The following L3MBTL4 variants were observed in gnomAD, a reference collection of about 807,000 sequenced individuals.
L3MBTL4 encodes the protein lethal(3)malignant brain tumor-like protein 4.
L3MBTL4 carries 70 observed loss-of-function variants against 84.5 expected under a neutral mutation model. That is an observed-to-expected ratio of 0.83 (90% CI 0.68 to 1.01). The LOEUF (loss-of-function observed/expected upper bound fraction) is 1.01. L3MBTL4 is among the 50% of genes least tolerant of loss of function. The pLI, the probability that L3MBTL4 is intolerant of heterozygous loss-of-function variation, is 0.00. For missense variants in L3MBTL4, 715 were observed against 754.8 expected, an observed-to-expected ratio of 0.95 and a Z score of 0.62; for synonymous variants, 274 against 259.8, an observed-to-expected ratio of 1.05 and a Z score of -0.52.
rs569390357 is a variant in L3MBTL4, at chr18:5,960,369, G to A, written c.1615-213C>T. 3.3e-5 allele frequency among the ~76,000 whole-genome samples: 5 copies of A among 152,314 alleles called. No individual in the cohort carries two copies. In the East Asian group the frequency reaches 7.7e-4, roughly 24 times the overall value. ...CCTCTTATTACCGGGCTGACCTGCA[G>A]AGGGTTATGGTTATAATGACGACAG... is the stretch of plus-strand genomic sequence containing the variant. On this transcript the variant is annotated intron_variant, in intron 17 of 18. Transcript: ENST00000317931.
chr18:6,192,173 T>C (rs984981291), intron 12 of L3MBTL4, among the ~76,000 whole-genome samples: 1 of 152,134 alleles, frequency 6.6e-6, no homozygotes, highest in African/African-American at 2.4e-5. Flanking sequence ...AGCAGAGGTA[T>C]AGACAGCTCT....
At chr18:6,144,666 A>G (rs1353721015) in intron 13 of L3MBTL4, among the ~76,000 whole-genome samples, 1 of 152,170 alleles carries the variant, frequency 6.6e-6, no homozygotes, top group Non-Finnish European at 1.5e-5. Context: ...ACACACCCTC[A>G]TTCCCAGCCT....
chr18:6,192,154 G>A (rs748424682), intron 12 of L3MBTL4, among the ~76,000 whole-genome samples: 5 of 152,198 alleles, frequency 3.3e-5, no homozygotes, highest in Non-Finnish European at 7.3e-5. Flanking sequence ...GCCACGTGAA[G>A]AAACTGTTAG....
intron 14 of L3MBTL4, among the ~76,000 whole-genome samples, chr18:6,114,211 TGAA>T (rs1416935093): frequency 2.0e-5 from 3 of 152,228 alleles, no homozygotes; most frequent in African/African-American, 7.2e-5. Context: ...TGAAGGAACT[TGAA>T]GGAGATAAGA....
rs77511518 is a variant in L3MBTL4, at chr18:6,199,364, C to T, written c.981+13785G>A. 3.3e-3 allele frequency among the ~76,000 whole-genome samples: 497 copies of T among 152,348 alleles called. 8 individuals carry two copies. The East Asian group carries it at 0.077, about 24-fold the overall frequency. On this transcript the variant is annotated intron_variant, in intron 12 of 18. Transcript: ENST00000317931. ...TCATTAAACTCAACTGAAATGAAGA[C>T]TCCAGGTCCTCAGCCTCACTAGCCA...
chr18:6,093,304 ACTATT>A, intron 15 of L3MBTL4, 46 bp downstream of exon 15: 2 of 1,366,716 alleles, frequency 1.5e-6, no homozygotes, highest in South Asian at 3.1e-5. Flanking sequence ...TTGTTCTTTT[ACTATT>A]CTACATGGTT....
chr18:6,208,116 A>AAAATAAAT (rs71163265), intron 12 of L3MBTL4, among the ~76,000 whole-genome samples: 2,642 of 144,478 alleles, frequency 0.018, 29 homozygotes, highest in Middle Eastern at 0.036. Context: ...CCCTGTCTAA[A>AAAATAAAT]AAATAAATAA....
chr18:6,165,764 T>C (rs918795652), intron 13 of L3MBTL4, among the ~76,000 whole-genome samples: 5 of 152,158 alleles, frequency 3.3e-5, no homozygotes, highest in African/African-American at 1.2e-4. Context: ...AGGAAGAAAC[T>C]GCATCAACTA....
At chr18:6,174,821 T>G (rs1599014589) in intron 12 of L3MBTL4, among the ~76,000 whole-genome samples, 1 of 149,788 alleles carries the variant, frequency 6.7e-6, no homozygotes, top group East Asian at 2.0e-4. Context: ...TGAGCCGAAA[T>G]TGCGGCACTG....
intron 12 of L3MBTL4, among the ~76,000 whole-genome samples, chr18:6,198,357 C>T (rs1231006340): frequency 1.3e-5 from 2 of 152,150 alleles, no homozygotes; most frequent in Admixed American, 6.5e-5. Context: ...AAAGAGAGAA[C>T]ACTACATCGA....
intron 13 of L3MBTL4, among the ~76,000 whole-genome samples, chr18:6,156,560 T>C (rs2043112779): frequency 6.6e-6 from 1 of 152,202 alleles, no homozygotes; most frequent in Non-Finnish European, 1.5e-5. Flanking sequence ...CATTGTCTTC[T>C]GAAAGGGTTA....
intron 10 of L3MBTL4, among the ~76,000 whole-genome samples, chr18:6,233,972 T>C (rs1211923466): frequency 2.0e-5 from 3 of 152,222 alleles, no homozygotes; most frequent in Non-Finnish European, 2.9e-5. Context: ...AACAGAGATA[T>C]AGACCAGTGG....
At chr18:6,394,602 T>G (rs1256321548) in intron 1 of L3MBTL4, among the ~76,000 whole-genome samples, 1 of 152,200 alleles carries the variant, frequency 6.6e-6, no homozygotes, top group East Asian at 1.9e-4. Flanking sequence ...TGCTTACTGA[T>G]GTACACAAAC....
rs914060037 is a variant in L3MBTL4 at position 6,160,471 on chromosome 18, C to T, written c.1096+11357G>A. ...AGTTGGCCAGGGGCGGTGGCTCACG[C>T]CTGTAATCCCAACACTTTGGGAGGC... On this transcript the variant is annotated intron_variant, in intron 13 of 18. Transcript: ENST00000317931. Among the ~76,000 whole-genome samples, 11 of 152,300 alleles carry T rather than the reference C, an allele frequency of 7.2e-5. No homozygotes were observed. In the East Asian group the frequency reaches 2.1e-3, roughly 29 times the overall value.
rs559269950 is a variant in L3MBTL4, at chr18:6,244,425, T to C, written c.324+59A>G. 7.4e-6 allele frequency: 8 copies of C among 1,076,192 alleles called. No homozygotes were observed. The African/African-American group carries it at 1.3e-4, about 17-fold the overall frequency. 66.7% of individuals were successfully genotyped at this position (1,076,192 alleles called of 1,614,324 possible). On this transcript the variant is annotated intron_variant, in intron 6 of 18. Coordinates refer to ENST00000317931, the MANE Select transcript of L3MBTL4 (RefSeq NM_001330559.2). The stretch of plus-strand genomic sequence containing the variant: ...AATATCAAACAAATTTGTTATTTTC[T>C]AGAAAATTATCTTTCTGTCACTAGG...
intron 10 of L3MBTL4, among the ~76,000 whole-genome samples, chr18:6,231,387 T>G (rs1262483466): frequency 1.3e-5 from 2 of 152,152 alleles, no homozygotes; most frequent in African/African-American, 4.8e-5. Context: ...CAGATAGTTG[T>G]AGGTGTATGG....
At chr18:6,157,303 C>T (rs542235663) in intron 13 of L3MBTL4, among the ~76,000 whole-genome samples, 15 of 152,270 alleles carry the variant, frequency 9.9e-5, no homozygotes, top group Admixed American at 7.8e-4. Flanking sequence ...TGTGCTATTA[C>T]CTGGTTAGGC....
At chr18:6,008,455 A>C (rs1436362713) in intron 16 of L3MBTL4, among the ~76,000 whole-genome samples, 1 of 152,214 alleles carries the variant, frequency 6.6e-6, no homozygotes, top group Non-Finnish European at 1.5e-5. Flanking sequence ...GGTGGCTTCA[A>C]CACCACCTGA....
chr18:5,990,175 T>C (rs578188032), intron 16 of L3MBTL4, among the ~76,000 whole-genome samples: 45 of 152,328 alleles, frequency 3.0e-4, no homozygotes, highest in African/African-American at 9.1e-4. Context: ...AGTAGGGTTA[T>C]AAAAAGGTGA....
Sources: gnomAD v4.1 joint callset for allele counts (sites outside exome capture counted in the v4.1 genomes callset) on GRCh38, gnomAD v4.1.1 for gene constraint, MANE v1.5 for transcripts, NCBI Gene and HGNC (gene_info 2026-07-23, HGNC 2026-07-21) for gene names.